Variants in PRKG2 observed in about 807,000 individuals in gnomAD.
PRKG2 encodes cGMP-dependent protein kinase 2.
PRKG2 carries 33 observed loss-of-function variants against 97.2 expected under a neutral mutation model. That is an observed-to-expected ratio of 0.34 (90% CI 0.26 to 0.45). The LOEUF is 0.45. PRKG2 is among the 20% of genes least tolerant of loss of function. The pLI is 1.00. For synonymous variants in PRKG2, 330 were observed against 321.8 expected (o/e 1.03, Z -0.27); for missense variants, 638 against 900.0 (o/e 0.71, Z 3.73).
chr4:81,198,581 T>C (rs951613879), intron 2 of PRKG2, among the ~76,000 whole-genome samples: 4 of 152,104 alleles, frequency 2.6e-5, no homozygotes, highest in Non-Finnish European at 5.9e-5. Context: ...GCTATAAATG[T>C]TGTGCACATT....
chr4:81,192,329 G>C (rs1174535640), intron 2 of PRKG2: 1 of 152,086 alleles, frequency 6.6e-6, no homozygotes, highest in Non-Finnish European at 1.5e-5. Flanking sequence ...ATTGAAAGAG[G>C]GCATGAGGGG....
intron 2 of PRKG2, among the ~76,000 whole-genome samples, chr4:81,187,017 C>A (rs996401629): frequency 6.6e-6 from 1 of 152,000 alleles, no homozygotes; most frequent in Non-Finnish European, 1.5e-5. Flanking sequence ...CAAAACCAGA[C>A]AGATTCACAG....
At chr4:81,105,774 C>G (rs1743260432) in intron 16 of PRKG2, 39 bp downstream of exon 16, 2 of 1,605,394 alleles carry the variant, frequency 1.2e-6, no homozygotes, top group East Asian at 4.5e-5. Context: ...AGCCTTTAGA[C>G]TTTCTTCAAG....
rs147988495 is a variant in PRKG2, at chr4:81,201,488, T to C, written c.461+3099A>G. 2.2e-3 allele frequency among the ~76,000 whole-genome samples: 336 copies of C among 152,286 alleles called. 2 individuals are homozygous for C. The highest frequency in any genetic ancestry group is 7.9e-3 in the African/African-American group (329 of 41,560). ...TAGAGTTTCATTATGAGCTCCTCCATATAAAGTAGGGAGGTACAATTAGAC... is the reference window on the plus strand; with the variant it reads ...TAGAGTTTCATTATGAGCTCCTCCACATAAAGTAGGGAGGTACAATTAGAC... On this transcript the variant is annotated intron_variant, in intron 2 of 18. Coordinates refer to ENST00000264399, the MANE Select transcript of PRKG2 (RefSeq NM_006259.3).
At chr4:81,096,837 A>G (rs1742163314) in intron 17 of PRKG2, among the ~76,000 whole-genome samples, 1 of 152,152 alleles carries the variant, frequency 6.6e-6, no homozygotes, top group African/African-American at 2.4e-5. Flanking sequence ...ACTTTCTCCA[A>G]TTAAGTCTTC....
At position 81,184,428 on chromosome 4, in the gene PRKG2, C is replaced by A. The variant is rs138134432; in HGVS notation, c.462-9469G>T. Among the ~76,000 whole-genome samples, 490 of 152,278 alleles carry A rather than the reference C, an allele frequency of 3.2e-3. 4 individuals carry two copies. Among genetic ancestry groups the A allele is most frequent in the African/African-American group, 0.011 (454 of 41,566 alleles). On this transcript the variant is annotated intron_variant, in intron 2 of 18. Coordinates refer to ENST00000264399, the MANE Select transcript of PRKG2 (RefSeq NM_006259.3). Reference sequence around the variant, plus strand: ...GCCTATTAGAAGGAAAACTAACAAACAGAAAGGAATAGCATCAACATCAAC... The same window carrying A: ...GCCTATTAGAAGGAAAACTAACAAAAAGAAAGGAATAGCATCAACATCAAC...
chr4:81,119,414 G>T (rs976266423), intron 14 of PRKG2, among the ~76,000 whole-genome samples: 2 of 152,134 alleles, frequency 1.3e-5, no homozygotes, highest in African/African-American at 2.4e-5. Flanking sequence ...AACATCAATT[G>T]ACTATGTTTA....
intron 1 of PRKG2, among the ~76,000 whole-genome samples, chr4:81,208,239 C>T (rs561550930): frequency 3.9e-5 from 6 of 152,128 alleles, no homozygotes; most frequent in Admixed American, 1.3e-4. Context: ...ATGATTATTA[C>T]GTTTGTAAAG....
At chr4:81,141,541 T>C (rs1304322743) in intron 11 of PRKG2, among the ~76,000 whole-genome samples, 2 of 152,170 alleles carry the variant, frequency 1.3e-5, no homozygotes, top group East Asian at 3.8e-4. Context: ...ATCAAGTATT[T>C]CCTAAAAAGG....
chr4:81,102,900 T>C (rs1158402263), intron 17 of PRKG2, among the ~76,000 whole-genome samples: 1 of 152,178 alleles, frequency 6.6e-6, no homozygotes, highest in Non-Finnish European at 1.5e-5. Flanking sequence ...ATTTCTTCAG[T>C]GAAAAGATCT....
At chr4:81,193,989 C>T (rs1752776158) in intron 2 of PRKG2, among the ~76,000 whole-genome samples, 1 of 152,170 alleles carries the variant, frequency 6.6e-6, no homozygotes, top group African/African-American at 2.4e-5. Context: ...CCACACAGTG[C>T]CAGGCCTCTT....
chr4:81,144,781 C>T (rs1186413932), intron 9 of PRKG2, among the ~76,000 whole-genome samples: 1 of 132,670 alleles, frequency 7.5e-6, no homozygotes, highest in African/African-American at 2.8e-5. Context: ...TGACAGGCCC[C>T]GGTGTGTCAT....
rs1179075326 is a variant in PRKG2, at chr4:81,171,764, G to A, written c.669C>T (p.Ser223=). The change falls in exon 4 of 19, where the codon TCC becomes TCT. Residue 223 remains serine (S), a synonymous_variant. Coordinates refer to ENST00000264399, the MANE Select transcript of PRKG2 (RefSeq NM_006259.3). ...LEVFQGEKLL[S]SIPMWTTFGE... is the part of the protein sequence containing the mutation. ...CAAATGTGGTCCACATAGGGATGGAGGACAGCAATTTCTCCCCTTGGAACA... is the reference window on the plus strand; with the variant it reads ...CAAATGTGGTCCACATAGGGATGGAAGACAGCAATTTCTCCCCTTGGAACA... The A allele has an allele frequency of 4.3e-6, 7 of 1,611,002 alleles. No individual in the cohort carries two copies. The highest frequency in any genetic ancestry group is 3.3e-4 in the Middle Eastern group (2 of 6,068).
chr4:81,217,031 G>A (rs372256144), upstream of PRKG2, among the ~76,000 whole-genome samples: 46 of 115,278 alleles, frequency 4.0e-4, 1 homozygote, highest in Non-Finnish European at 6.6e-4. Flanking sequence ...TATATATTTT[G>A]TATATATATA....
chr4:81,204,260 A>C (rs1160540806), intron 2 of PRKG2, among the ~76,000 whole-genome samples: 1 of 150,342 alleles, frequency 6.7e-6, no homozygotes, highest in Non-Finnish European at 1.5e-5. Flanking sequence ...ATTCACTGTG[A>C]TGTGTGTACA....
chr4:81,177,896 T>C (rs1414128465), intron 2 of PRKG2, among the ~76,000 whole-genome samples: 2 of 151,730 alleles, frequency 1.3e-5, no homozygotes, highest in Non-Finnish European at 2.9e-5. Flanking sequence ...AGGCTGACAG[T>C]CTCCTCAGCA....
intron 14 of PRKG2, among the ~76,000 whole-genome samples, chr4:81,117,335 G>A (rs1433771118): frequency 6.6e-6 from 1 of 151,876 alleles, no homozygotes; most frequent in Non-Finnish European, 1.5e-5. Flanking sequence ...CACCTGGAAG[G>A]TTTTATTGTT....
At chr4:81,187,756 A>G (rs1319121347) in intron 2 of PRKG2, among the ~76,000 whole-genome samples, 1 of 152,166 alleles carries the variant, frequency 6.6e-6, no homozygotes. Flanking sequence ...CTGATAAGCA[A>G]CTTCATCAAA....
chr4:81,146,375 C>A (rs1046697899), intron 9 of PRKG2, among the ~76,000 whole-genome samples: 5 of 151,432 alleles, frequency 3.3e-5, no homozygotes, highest in African/African-American at 1.2e-4. Flanking sequence ...AACTAATGAA[C>A]TTTTTTTTTG....
Sources: allele counts gnomAD v4.1 joint callset (sites outside exome capture counted in the v4.1 genomes callset), GRCh38; gene constraint gnomAD v4.1.1; transcripts MANE v1.5; gene names NCBI Gene and HGNC (gene_info 2026-07-23, HGNC 2026-07-21).